Variants in EYS observed in about 807,000 individuals in gnomAD.
EYS encodes the protein EGF-like photoreceptor maintenance factor.
Under a neutral mutation model 282.1 loss-of-function variants are expected in EYS, and 250 were observed. The observed-to-expected ratio is 0.89, with a 90% CI of 0.80 to 0.98. EYS has a LOEUF of 0.98. Among genes scored for constraint, EYS ranks in the 50% least tolerant of loss-of-function variants. The pLI is 0.00. For synonymous variants in EYS, 1,355 were observed against 1,282.9 expected (o/e 1.06, Z -1.20); for missense variants, 4,016 against 3,709.0 (o/e 1.08, Z -2.15).
chr6:65,403,012 C>T (rs1766577784), intron 6 of EYS, among the ~76,000 whole-genome samples: 1 of 151,870 alleles, frequency 6.6e-6, no homozygotes, highest in Non-Finnish European at 1.5e-5. Context: ...GCTAATAGGC[C>T]CAGTTCTGGG....
chr6:63,848,198 G>A (rs1337620815), intron 36 of EYS, among the ~76,000 whole-genome samples: 1 of 151,992 alleles, frequency 6.6e-6, no homozygotes, highest in Admixed American at 6.5e-5. Flanking sequence ...TGAGATTGCT[G>A]TATTAGCTGA....
intron 36 of EYS, among the ~76,000 whole-genome samples, chr6:63,816,446 A>G (rs1771180171): frequency 6.6e-6 from 1 of 152,212 alleles, no homozygotes; most frequent in Non-Finnish European, 1.5e-5. Flanking sequence ...ACTAACCCTG[A>G]CCATCTTAAG....
intron 25 of EYS, 76 bp downstream of exon 25, chr6:64,593,041 T>C: frequency 9.0e-7 from 1 of 1,106,734 alleles, no homozygotes; most frequent in Non-Finnish European, 1.2e-6. Flanking sequence ...AAGATTTTAA[T>C]AATGCAGAAA....
chr6:65,353,894 A>AATACATCT (rs1161061913), intron 8 of EYS, among the ~76,000 whole-genome samples: 2 of 152,024 alleles, frequency 1.3e-5, no homozygotes, highest in Non-Finnish European at 2.9e-5. Flanking sequence ...GATGGGCTAT[A>AATACATCT]ATACATCTTT....
In EYS at chr6:64,960,161, C is replaced by T. The variant is rs182339108; in HGVS notation, c.2260-14247G>A. Among the ~76,000 whole-genome samples the T allele has an allele frequency of 5.3e-5, 8 of 151,986 alleles. No individual in the cohort carries two copies. The South Asian group carries it at 6.2e-4, about 12-fold the overall frequency. ...GATTTGAAGTTTACAAATAGTTTTC[C>T]AGATATTTTCTTAATCCTGTTAACA... On this transcript the variant is annotated intron_variant, in intron 14 of 42. Coordinates refer to ENST00000503581, the MANE Select transcript of EYS (RefSeq NM_001142800.2).
intron 5 of EYS, among the ~76,000 whole-genome samples, chr6:65,437,860 C>CT (rs909486331): frequency 2.0e-5 from 2 of 102,154 alleles, no homozygotes; most frequent in South Asian, 3.0e-4. Flanking sequence ...TTCAGTTTTT[C>CT]TTTTTTTCAA....
intron 30 of EYS, among the ~76,000 whole-genome samples, chr6:64,258,072 T>C (rs1474260313): frequency 6.6e-6 from 1 of 152,032 alleles, no homozygotes; most frequent in Non-Finnish European, 1.5e-5. Flanking sequence ...TAGAATGCCA[T>C]GTGATCCTAA....
chr6:63,726,449 A>T, intron 42 of EYS, 70 bp downstream of exon 42: 2 of 1,328,272 alleles, frequency 1.5e-6, no homozygotes, highest in Non-Finnish European at 1.0e-6. Flanking sequence ...AGGTGACACA[A>T]ACACTATCAT....
chr6:63,849,151 G>C (rs1214649783), intron 36 of EYS, among the ~76,000 whole-genome samples: 3 of 152,106 alleles, frequency 2.0e-5, no homozygotes, highest in Non-Finnish European at 4.4e-5. Flanking sequence ...CTCCTCTCTG[G>C]GCAGGGCATC....
intron 12 of EYS, among the ~76,000 whole-genome samples, chr6:65,077,777 T>C (rs148697980): frequency 1.3e-5 from 2 of 152,222 alleles, no homozygotes; most frequent in Non-Finnish European, 2.9e-5. Flanking sequence ...ATTTCATTTA[T>C]TTGATCTTAA....
intron 12 of EYS, among the ~76,000 whole-genome samples, chr6:65,134,424 T>G (rs1031129662): frequency 4.6e-5 from 7 of 151,870 alleles, no homozygotes; most frequent in Non-Finnish European, 1.0e-4. Context: ...CTTAAAAAAA[T>G]AATGAGATCA....
intron 22 of EYS, among the ~76,000 whole-genome samples, chr6:64,655,436 A>T (rs906159870): frequency 1.3e-5 from 2 of 152,118 alleles, no homozygotes; most frequent in African/African-American, 4.8e-5. Flanking sequence ...TTTATAAAAA[A>T]TATCTAATGC....
intron 12 of EYS, among the ~76,000 whole-genome samples, chr6:65,089,067 G>A (rs1013327846): frequency 3.3e-5 from 5 of 152,136 alleles, no homozygotes; most frequent in African/African-American, 9.7e-5. Flanking sequence ...AGATGTCCAG[G>A]CAGAAGTTTG....
chr6:63,841,091 G>A (rs550940659), intron 36 of EYS, among the ~76,000 whole-genome samples: 8 of 152,122 alleles, frequency 5.3e-5, no homozygotes, highest in East Asian at 1.9e-4. Context: ...CTGTGCTAAC[G>A]GCTCAAATTA....
At chr6:64,306,892 A>T (rs901077610) in intron 30 of EYS, 78 bp downstream of exon 30, 8 of 747,816 alleles carry the variant, frequency 1.1e-5, no homozygotes, top group Non-Finnish European at 1.4e-5. Flanking sequence ...CCTTCATTAG[A>T]TTATTTCAAT....
chr6:64,671,263 G>C (rs1402311708), intron 22 of EYS, among the ~76,000 whole-genome samples: 2 of 152,056 alleles, frequency 1.3e-5, no homozygotes, highest in Non-Finnish European at 2.9e-5. Flanking sequence ...TGGAGCCTTT[G>C]GGAGAGGATT....
At chr6:64,438,634 A>T (rs891479360) in intron 27 of EYS, among the ~76,000 whole-genome samples, 2 of 147,266 alleles carry the variant, frequency 1.4e-5, no homozygotes, top group Non-Finnish European at 3.0e-5. Flanking sequence ...AAAGAAGTAG[A>T]AGAAAAGTTG....
At chr6:65,043,547 TGC>T (rs1773003356) in intron 13 of EYS, among the ~76,000 whole-genome samples, 2 of 151,490 alleles carry the variant, frequency 1.3e-5, no homozygotes, top group Non-Finnish European at 3.0e-5. Flanking sequence ...AATTCCCTCC[TGC>T]GCCCCTCCTC....
intron 31 of EYS, among the ~76,000 whole-genome samples, chr6:64,221,480 G>A (rs4235969): frequency 0.31 from 47,617 of 151,820 alleles, 7,467 homozygotes; most frequent in East Asian, 0.5. Flanking sequence ...GGACTTTCTA[G>A]TCTCCAGGAC....
Sources: allele counts gnomAD v4.1 joint callset (sites outside exome capture counted in the v4.1 genomes callset), GRCh38; gene constraint gnomAD v4.1.1; transcripts MANE v1.5; gene names NCBI Gene and HGNC (gene_info 2026-07-23, HGNC 2026-07-21).